Variants in PCLO observed in about 807,000 individuals in gnomAD.
PCLO encodes the protein protein piccolo.
A neutral mutation model predicts 427.5 loss-of-function variants in PCLO; 82 were observed. That is an observed-to-expected ratio of 0.19 (90% CI 0.16 to 0.23). The LOEUF is 0.23. Among genes scored for constraint, PCLO ranks in the 10% least tolerant of loss-of-function variants. The pLI is 1.00. For missense variants in PCLO, 6,239 were observed against 6,115.9 expected (o/e 1.02, Z -0.67); for synonymous variants, 2,357 against 2,155.4 (o/e 1.09, Z -2.59).
chr7:82,816,889 G>A (rs1791689707), intron 20 of PCLO, among the ~76,000 whole-genome samples: 1 of 152,064 alleles, frequency 6.6e-6, no homozygotes, highest in African/African-American at 2.4e-5. Flanking sequence ...TTCATCTTCA[G>A]GAATGAAGAT....
chr7:83,135,749 C>T (rs765137446), intron 2 of PCLO, 93 bp from the exon 3 acceptor site: 32 of 702,540 alleles, frequency 4.6e-5, no homozygotes, highest in African/African-American at 1.8e-4. Flanking sequence ...GAAACTATGT[C>T]TCTCATCATT....
chr7:82,986,995 A>G (rs1422231239), intron 3 of PCLO, among the ~76,000 whole-genome samples: 1 of 151,938 alleles, frequency 6.6e-6, no homozygotes, highest in Non-Finnish European at 1.5e-5. Context: ...CTATTTTTCA[A>G]ACCAAAACAG....
At chr7:82,908,587 C>A (rs1406249416) in intron 8 of PCLO, among the ~76,000 whole-genome samples, 1 of 152,028 alleles carries the variant, frequency 6.6e-6, no homozygotes, top group Non-Finnish European at 1.5e-5. Flanking sequence ...GCTCTCAGAG[C>A]TCCATCTATT....
intron 3 of PCLO, among the ~76,000 whole-genome samples, chr7:83,113,643 T>C (rs1791060130): frequency 6.6e-6 from 1 of 152,190 alleles, no homozygotes; most frequent in African/African-American, 2.4e-5. Context: ...TACAAAGATT[T>C]TGTCAGCATC....
intron 13 of PCLO, 30 bp downstream of exon 13, chr7:82,845,241 T>C: frequency 6.8e-7 from 1 of 1,466,272 alleles, no homozygotes; most frequent in South Asian, 1.1e-5. Flanking sequence ...AGAAAACAAG[T>C]GGGTCAGAGG....
intron 3 of PCLO, among the ~76,000 whole-genome samples, chr7:82,993,093 C>T (rs936768687): frequency 1.3e-5 from 2 of 151,932 alleles, no homozygotes; most frequent in African/African-American, 4.8e-5. Context: ...GAAACTCTAA[C>T]CACATATTAT....
chr7:82,764,939 A>G (rs1390359965), intron 22 of PCLO, among the ~76,000 whole-genome samples: 1 of 151,958 alleles, frequency 6.6e-6, no homozygotes, highest in Non-Finnish European at 1.5e-5. Flanking sequence ...ACGGATATGT[A>G]TCAAACACTA....
intron 10 of PCLO, among the ~76,000 whole-genome samples, chr7:82,860,538 G>A (rs1317279078): frequency 1.3e-5 from 2 of 152,072 alleles, no homozygotes; most frequent in Admixed American, 1.3e-4. Context: ...TACCAGAGCT[G>A]TCCTACAAGA....
intron 3 of PCLO, among the ~76,000 whole-genome samples, chr7:82,972,985 C>T (rs988340771): frequency 1.3e-5 from 2 of 151,944 alleles, no homozygotes; most frequent in Non-Finnish European, 2.9e-5. Context: ...CTCAGATCCA[C>T]GCATTTTTAC....
chr7:83,030,324 C>T (rs1468185562), intron 3 of PCLO, among the ~76,000 whole-genome samples: 2 of 152,012 alleles, frequency 1.3e-5, no homozygotes, highest in South Asian at 2.1e-4. Flanking sequence ...GATATCCCTT[C>T]GATCTGGAAC....
At chr7:83,067,578 C>T (rs965302932) in intron 3 of PCLO, among the ~76,000 whole-genome samples, 1 of 152,154 alleles carries the variant, frequency 6.6e-6, no homozygotes, top group Admixed American at 6.5e-5. Flanking sequence ...CACCCTCAGT[C>T]CAGGGGCTTA....
rs1476118330 is a variant in PCLO at position 83,124,488 on chromosome 7, T to C, written c.3300+9762A>G. On this transcript the variant is annotated intron_variant, in intron 3 of 24. Coordinates refer to ENST00000333891, the MANE Select transcript of PCLO (RefSeq NM_033026.6). ...ATTCTCTCACTCCATTTAGAATGGC[T>C]TTTATCCAAAAGACAGGCAAAAATA... Among the ~76,000 whole-genome samples, 9 of 152,110 alleles carry C rather than the reference T, an allele frequency of 5.9e-5. No individual in the cohort carries two copies. The East Asian group carries it at 1.7e-3, about 29-fold the overall frequency.
rs919981987 is a variant in PCLO at position 82,978,168 on chromosome 7, A to ACC, written c.3301-11683_3301-11682dup. Among the ~76,000 whole-genome samples, 10 of 144,620 alleles carry ACC rather than the reference A, an allele frequency of 6.9e-5. 1 individual carries two copies. The South Asian group carries it at 2.2e-3, about 31-fold the overall frequency. 94.9% of individuals were successfully genotyped at this position (144,620 alleles called of 152,430 possible). On this transcript the variant is annotated intron_variant, in intron 3 of 24. Transcript: ENST00000333891. ...TTTTTTTAATATTAGAGAGACCCCC[A>ACC]CCCCCCCGGCAAAAACTCTGTATGA...
chr7:82,848,071 A>G (rs1792550366), intron 10 of PCLO, among the ~76,000 whole-genome samples: 1 of 152,042 alleles, frequency 6.6e-6, no homozygotes. Flanking sequence ...AGTGTAACAT[A>G]ATTAATATTT....
intron 3 of PCLO, among the ~76,000 whole-genome samples, chr7:83,012,341 G>A (rs116103632): frequency 0.018 from 2,741 of 152,122 alleles, 81 homozygotes; most frequent in African/African-American, 0.062. Flanking sequence ...AAGCCAGCCA[G>A]GTGCAGTGAC....
intron 6 of PCLO, among the ~76,000 whole-genome samples, chr7:82,937,832 C>A (rs1040450839): frequency 5.9e-5 from 9 of 151,670 alleles, no homozygotes; most frequent in African/African-American, 2.2e-4. Context: ...AAATAATGTA[C>A]CAAAAAATTT....
At chr7:82,931,821 C>T (rs1562865343) in intron 6 of PCLO, among the ~76,000 whole-genome samples, 1 of 152,020 alleles carries the variant, frequency 6.6e-6, no homozygotes, top group Non-Finnish European at 1.5e-5. Context: ...GTTATTAAGT[C>T]CAGCCCTCAC....
chr7:83,021,494 T>G (rs1388893128), intron 3 of PCLO, among the ~76,000 whole-genome samples: 1 of 152,148 alleles, frequency 6.6e-6, no homozygotes, highest in African/African-American at 2.4e-5. Flanking sequence ...TTTTTTAATC[T>G]GTTTAGAATG....
intron 6 of PCLO, 125 bp from the exon 7 acceptor site, chr7:82,916,998 A>G: frequency 1.7e-6 from 1 of 599,706 alleles, no homozygotes; most frequent in Non-Finnish European, 2.7e-6. Context: ...GCATGATAAA[A>G]TAAAATATAT....
Sources: allele counts gnomAD v4.1 joint callset (sites outside exome capture counted in the v4.1 genomes callset), GRCh38; gene constraint gnomAD v4.1.1; transcripts MANE v1.5; gene names NCBI Gene and HGNC (gene_info 2026-07-23, HGNC 2026-07-21).